CAPN14: variants seen among roughly 807,000 people sequenced by gnomAD.
The protein encoded by CAPN14 is calpain 14.
A neutral mutation model predicts 101.3 loss-of-function variants in CAPN14; 94 were observed. The ratio of observed to expected loss-of-function variants is 0.93; its 90% confidence interval spans 0.79 to 1.10. The LOEUF (loss-of-function observed/expected upper bound fraction) is 1.10. Among genes scored for constraint, CAPN14 ranks in the 50% least tolerant of loss-of-function variants. The pLI is 0.00. For missense variants in CAPN14, 837 were observed against 828.4 expected (o/e 1.01, Z -0.13); for synonymous variants, 338 against 317.9 (o/e 1.06, Z -0.67).
At chr2:31,219,577 T>C (rs1558638459), upstream of CAPN14, among the ~76,000 whole-genome samples, 1 of 152,202 alleles carries the variant, frequency 6.6e-6, no homozygotes, top group Non-Finnish European at 1.5e-5. Context: ...CCAGAAAGGC[T>C]TTGATGGGCT....
chr2:31,183,076 A>G (rs1680729843), intron 16 of CAPN14, among the ~76,000 whole-genome samples: 1 of 152,324 alleles, frequency 6.6e-6, no homozygotes, highest in South Asian at 2.1e-4. Context: ...ACAAAAACAA[A>G]CAATGGGGAA....
intron 12 of CAPN14, 74 bp downstream of exon 12, chr2:31,191,325 C>T: frequency 2.8e-6 from 4 of 1,431,120 alleles, no homozygotes; most frequent in Non-Finnish European, 3.8e-6. Context: ...TCCAGTCTAA[C>T]TAAATCCTGT....
At position 31,212,944 on chromosome 2, in the gene CAPN14, T is replaced by C. The variant is rs140646909; in HGVS notation, c.-53+4512A>G. On this transcript the variant is annotated intron_variant, in intron 1 of 21. Coordinates refer to ENST00000403897, the MANE Select transcript of CAPN14 (RefSeq NM_001145122.2). ...TAAGTTGTCTCAGGCAAAATTGTAG[T>C]AGAAACCTAGGCTCTTTGTACAAGA... Among the ~76,000 whole-genome samples the C allele has an allele frequency of 7.5e-3, 1,145 of 152,340 alleles. 9 individuals carry two copies. The highest frequency in any genetic ancestry group is 0.014 in the East Asian group (72 of 5,186).
At chr2:31,229,226 A>G (rs921731273) in intron 1 of CAPN14, among the ~76,000 whole-genome samples, 2 of 152,202 alleles carry the variant, frequency 1.3e-5, no homozygotes, top group Non-Finnish European at 2.9e-5. Flanking sequence ...GGAGGAGCAC[A>G]TAAGTAGATG....
At chr2:31,214,410 T>G (rs889335363) in intron 1 of CAPN14, among the ~76,000 whole-genome samples, 4 of 152,196 alleles carry the variant, frequency 2.6e-5, no homozygotes, top group Non-Finnish European at 2.9e-5. Flanking sequence ...AAAATGCTCA[T>G]CCAGGCTTGC....
intron 1 of CAPN14, among the ~76,000 whole-genome samples, chr2:31,231,821 T>C (rs1229144036): frequency 6.6e-6 from 1 of 152,186 alleles, no homozygotes; most frequent in Non-Finnish European, 1.5e-5. Flanking sequence ...ACACCAGGCG[T>C]GGCACGGGGC....
rs1297171817 is a variant in CAPN14, at chr2:31,202,267, A to G, written c.296-15T>C. The G allele has an allele frequency of 3.3e-6, 5 of 1,536,438 alleles. No individual in the cohort carries two copies. In the East Asian group the frequency reaches 1.2e-4, roughly 38 times the overall value. On this transcript the variant is annotated splice_polypyrimidine_tract_variant and intron_variant, in intron 3 of 21. Coordinates refer to ENST00000403897, the MANE Select transcript of CAPN14 (RefSeq NM_001145122.2). Reference sequence around the variant, plus strand: ...CCAGCAGTCTCCTAAGTCAGACAGCACACAGCATCTGCATGAATCTACTGG... The same window carrying G: ...CCAGCAGTCTCCTAAGTCAGACAGCGCACAGCATCTGCATGAATCTACTGG...
intron 2 of CAPN14, among the ~76,000 whole-genome samples, chr2:31,222,832 G>A (rs1335212070): frequency 6.6e-6 from 1 of 152,178 alleles, no homozygotes; most frequent in Non-Finnish European, 1.5e-5. Flanking sequence ...TGGAAATCCT[G>A]ACCCCCAGTG....
intron 2 of CAPN14, among the ~76,000 whole-genome samples, chr2:31,203,499 T>C (rs1422917926): frequency 6.6e-6 from 1 of 152,208 alleles, no homozygotes; most frequent in Admixed American, 6.5e-5. Context: ...CCCCTATTCC[T>C]CCTTCTTATT....
At chr2:31,189,546 C>T (rs1422958485) in intron 12 of CAPN14, 68 bp from the exon 13 acceptor site, 31 of 1,293,492 alleles carry the variant, frequency 2.4e-5, no homozygotes, top group Non-Finnish European at 3.0e-5. Flanking sequence ...GCCTGAGGCC[C>T]TCAAAGCTCT....
intron 8 of CAPN14, 83 bp downstream of exon 8, chr2:31,197,166 C>T (rs1681507123): frequency 7.8e-6 from 7 of 902,222 alleles, no homozygotes; most frequent in Non-Finnish European, 7.1e-6. Flanking sequence ...AAAGAAAGCA[C>T]ACATTTGAAT....
At chr2:31,217,230 C>G (rs112122705) in intron 1 of CAPN14, among the ~76,000 whole-genome samples, 8,656 of 152,032 alleles carry the variant, frequency 0.057, 299 homozygotes, top group African/African-American at 0.087. Flanking sequence ...AGATTGGGGC[C>G]AAAGGGCTGA....
chr2:31,187,227 C>T (rs980544678), intron 15 of CAPN14, among the ~76,000 whole-genome samples: 3 of 152,196 alleles, frequency 2.0e-5, no homozygotes, highest in East Asian at 3.9e-4. Context: ...CGCACTCACA[C>T]CATTAGCCCT....
intron 1 of CAPN14, among the ~76,000 whole-genome samples, chr2:31,206,568 C>T (rs1455970744): frequency 6.6e-6 from 1 of 152,122 alleles, no homozygotes; most frequent in Admixed American, 6.5e-5. Context: ...ATTCTCTTTA[C>T]AAAGAAATCC....
rs72797147 is a variant in CAPN14, at chr2:31,197,277, C to T, written c.847G>A (p.Val283Met). 0.02 allele frequency: 30,680 copies of T among 1,551,146 alleles called. 393 individuals are homozygous for T. Among genetic ancestry groups the T allele is most frequent in the Admixed American group, 0.04 (2,042 of 50,980 alleles). The change falls in exon 8 of 22, where the codon GTG becomes ATG. Residue 283 changes from valine (V) to methionine (M), a missense_variant. Transcript: ENST00000403897. Reference sequence around the variant, plus strand: ...TCACTCCAGTCTCCTTTCCATTCCACCTTTCCCCAGGGGTTCCGTAGCTTG... The same window carrying T: ...TCACTCCAGTCTCCTTTCCATTCCATCTTTCCCCAGGGGTTCCGTAGCTTG... ...LVKLRNPWGK[V>M]EWKGDWSDSS...
chr2:31,209,911 G>C (rs1682300630), intron 1 of CAPN14, among the ~76,000 whole-genome samples: 1 of 152,156 alleles, frequency 6.6e-6, no homozygotes, highest in East Asian at 1.9e-4. Flanking sequence ...GCTAGTTGTT[G>C]AATATTACCA....
At chr2:31,177,229 A>G (rs966009598) in intron 19 of CAPN14, 87 bp from the exon 20 acceptor site, 1 of 812,524 alleles carries the variant, frequency 1.2e-6, no homozygotes, top group African/African-American at 1.7e-5. Context: ...ATGTCCCTCC[A>G]GTTTAGGGAC....
Position 31,191,416 on chromosome 2 carries a change from C to T in CAPN14, c.1279-9G>A. ...GAACTCACCTTGTTCATCTAAAAAA[C>T]AAAAACAAAAACAGAAAAAAAAAAA... On this transcript the variant is annotated splice_polypyrimidine_tract_variant and intron_variant, in intron 11 of 21. Transcript: ENST00000403897. The T allele has an allele frequency of 7.6e-7, 1 of 1,316,302 alleles. No individual in the cohort carries two copies. Among genetic ancestry groups the T allele is most frequent in the African/African-American group, 1.7e-5 (1 of 58,940 alleles). 81.5% of individuals were successfully genotyped at this position (1,316,302 alleles called of 1,614,324 possible).
In CAPN14 at chr2:31,192,080, G is replaced by A. The variant is rs890988153; in HGVS notation, c.1133C>T (p.Pro378Leu). The A allele has an allele frequency of 1.7e-5, 27 of 1,549,184 alleles. No homozygotes were observed. Among genetic ancestry groups the A allele is most frequent in the African/African-American group, 2.7e-5 (2 of 72,924 alleles). ...QLLQDTFWKN[P>L]QFLLSVWRPE... ...CCTCCAGACAGACAGCAGGAACTGCGGGTTCTTCCAAAATGTGTCTGGAGC... is the reference window on the plus strand; with the variant it reads ...CCTCCAGACAGACAGCAGGAACTGCAGGTTCTTCCAAAATGTGTCTGGAGC... Residue 378 changes from proline (P) to leucine (L), a missense_variant, in exon 11 of 22, where the codon CCG (proline) becomes CTG (leucine). Transcript: ENST00000403897.
Sources: gnomAD v4.1 joint callset for allele counts (sites outside exome capture counted in the v4.1 genomes callset) on GRCh38, gnomAD v4.1.1 for gene constraint, MANE v1.5 for transcripts, NCBI Gene and HGNC (gene_info 2026-07-23, HGNC 2026-07-21) for gene names.